Variants in SATB2 observed in about 807,000 individuals in gnomAD.
SATB2 encodes the protein DNA-binding protein SATB2.
A neutral mutation model predicts 73.4 loss-of-function variants in SATB2; 1 was observed. The ratio of observed to expected loss-of-function variants is 0.01; its 90% CI spans 0.00 to 0.06. The LOEUF (loss-of-function observed/expected upper bound fraction) is 0.06. Ranked by LOEUF, SATB2 falls within the 10% of genes least tolerant of loss-of-function variation. The pLI is 1.00. For missense variants in SATB2, 459 were observed against 945.8 expected, an observed-to-expected ratio of 0.49 and a Z score of 6.75; for synonymous variants, 397 against 367.0, an observed-to-expected ratio of 1.08 and a Z score of -0.93.
At chr2:199,426,692 C>CAAAAAAAAAAAAAAAAAAAA (rs200293007) in intron 3 of SATB2, among the ~76,000 whole-genome samples, 6 of 128,252 alleles carry the variant, frequency 4.7e-5, no homozygotes, top group Admixed American at 7.7e-5. Context: ...CATTCTCTCT[C>CAAAAAAAAAAAAAAAAAAAA]AAAAAAAAAA....
intron 2 of SATB2, among the ~76,000 whole-genome samples, chr2:199,453,762 A>C (rs1458566843): frequency 6.6e-6 from 1 of 152,012 alleles, no homozygotes; most frequent in East Asian, 1.9e-4. Context: ...TTATCTTCTA[A>C]GTTGTTATAT....
chr2:199,298,599 C>T (rs1687187248), intron 10 of SATB2, among the ~76,000 whole-genome samples: 1 of 151,768 alleles, frequency 6.6e-6, no homozygotes, highest in South Asian at 2.1e-4. Context: ...GTCCAGATCC[C>T]CAGCAGGTAG....
In SATB2 at chr2:199,455,935, C is replaced by T; in HGVS notation, c.103G>A (p.Glu35Lys). The change falls in exon 2 of 11, where the codon GAG becomes AAG. Residue 35 changes from glutamate to lysine, a missense_variant. Around this residue, in one of 13 missense-constraint regions of SATB2, gnomAD observed 74 missense variants for 113.3 expected, o/e 0.65. Transcript: ENST00000417098. This position sits in a 1 kb window ranked among gnomAD's most constrained non-coding sequence, Gnocchi z 4.1. Reference sequence around the variant, plus strand: ...GCTCCCATGGGGCTGCCGTTCTGCTCCAGCCGGGCCACCTTCACTGGGGGA... The same window carrying T: ...GCTCCCATGGGGCTGCCGTTCTGCTTCAGCCGGGCCACCTTCACTGGGGGA... Reference protein sequence around the residue: ...GPPPVKVARLEQNGSPMGARG... With the variant: ...GPPPVKVARLKQNGSPMGARG... 1 of 1,537,730 alleles carries T rather than the reference C, an allele frequency of 6.5e-7. No individual in the cohort carries two copies. Among genetic ancestry groups the T allele is most frequent in the Non-Finnish European group, 8.7e-7 (1 of 1,147,390 alleles).
Position 199,433,657 on chromosome 2 carries a change from A to G in SATB2, c.170-143T>C, listed in dbSNP as rs867970537. ...GATTAAACAAGCCTCTTAGTCATAT[A>G]GGTCTAATGGAAAGCTGTGGGTTTT... is the stretch of plus-strand genomic sequence containing the variant. On this transcript the variant is annotated intron_variant, in intron 2 of 10. Coordinates refer to ENST00000417098, the MANE Select transcript of SATB2 (RefSeq NM_001172509.2). 13 of 791,362 alleles carry G rather than the reference A, an allele frequency of 1.6e-5. No individual in the cohort carries two copies. The Middle Eastern group carries it at 2.5e-3, about 150-fold the overall frequency. The allele number at this position is 791,362 out of a possible 1,614,324, so 49.0% of individuals were successfully genotyped here.
chr2:199,379,682 C>CTTTTTT (rs71015899), intron 5 of SATB2, among the ~76,000 whole-genome samples: 34 of 108,236 alleles, frequency 3.1e-4, no homozygotes, highest in South Asian at 1.3e-3. Flanking sequence ...CTTTTCTTTT[C>CTTTTTT]TTTTTTTTTT....
intron 10 of SATB2, among the ~76,000 whole-genome samples, chr2:199,292,479 T>C (rs1050990366): frequency 6.6e-6 from 1 of 152,228 alleles, no homozygotes; most frequent in African/African-American, 2.4e-5. Context: ...AATCATATCT[T>C]TATTACCTCC....
upstream of SATB2, chr2:199,457,993 T>G (rs1284605264): frequency 6.5e-6 from 1 of 153,550 alleles, no homozygotes; most frequent in African/African-American, 2.4e-5. The surrounding 1 kb of genome is among the most constrained non-coding windows in gnomAD (Gnocchi z 4.8). Flanking sequence ...ATTAGTTGCG[T>G]TGAGTCATCA....
At chr2:199,428,642 CTGTTA>C (rs1328752948) in intron 3 of SATB2, among the ~76,000 whole-genome samples, 5 of 152,166 alleles carry the variant, frequency 3.3e-5, no homozygotes, top group Admixed American at 2.6e-4. Flanking sequence ...CTTCAAAAGT[CTGTTA>C]TGAGAATTAA....
intron 10 of SATB2, among the ~76,000 whole-genome samples, chr2:199,280,011 C>T (rs1038340399): frequency 2.0e-5 from 3 of 152,262 alleles, no homozygotes; most frequent in Middle Eastern, 3.4e-3. Context: ...CGTGGTGGCA[C>T]GCGCCTGTAA....
chr2:199,413,589 T>A, intron 3 of SATB2, among the ~76,000 whole-genome samples: 1 of 152,024 alleles, frequency 6.6e-6, no homozygotes, highest in East Asian at 1.9e-4. Context: ...TTTTTTTTTT[T>A]TTTTTCTGAG....
At chr2:199,424,603 T>C (rs1691273528) in intron 3 of SATB2, among the ~76,000 whole-genome samples, 2 of 152,204 alleles carry the variant, frequency 1.3e-5, no homozygotes, top group Non-Finnish European at 2.9e-5. Context: ...ATGTAAAATA[T>C]ATACTAACAT....
At chr2:199,466,659 C>G (rs891280810), upstream of SATB2, among the ~76,000 whole-genome samples, 1 of 152,354 alleles carries the variant, frequency 6.6e-6, no homozygotes, top group African/African-American at 2.4e-5. Flanking sequence ...GCTTTTCCAC[C>G]ATTGGTCCCA....
At chr2:199,280,687 G>A (rs143224348) in intron 10 of SATB2, among the ~76,000 whole-genome samples, 5,176 of 152,112 alleles carry the variant, frequency 0.034, 112 homozygotes, top group Middle Eastern at 0.078. Context: ...TTATTAGGAC[G>A]AGGAAATTCC....
In SATB2 at chr2:199,455,139, A is replaced by C. The variant is rs1692236020; in HGVS notation, c.169+730T>G. On this transcript the variant is annotated intron_variant, in intron 2 of 10. Transcript: ENST00000417098. This position sits in a 1 kb window ranked among gnomAD's most constrained non-coding sequence, Gnocchi z 4.1. ...TTGCTTTTCCTGACCACTTTAAAAG[A>C]AAGTAGTTGCTTAAGTAGTAAAAAC... Among the ~76,000 whole-genome samples, 1 of 152,260 alleles carries C rather than the reference A, an allele frequency of 6.6e-6. No individual in the cohort carries two copies. Among genetic ancestry groups the C allele is most frequent in the East Asian group, 1.9e-4 (1 of 5,206 alleles).
At chr2:199,370,741 C>T (rs1215473420) in intron 5 of SATB2, among the ~76,000 whole-genome samples, 2 of 152,100 alleles carry the variant, frequency 1.3e-5, no homozygotes, top group South Asian at 4.1e-4. Flanking sequence ...TGACCCTGCA[C>T]AAGGCAGAGT....
chr2:199,353,584 G>A (rs188169517), intron 6 of SATB2, among the ~76,000 whole-genome samples: 200 of 152,286 alleles, frequency 1.3e-3, no homozygotes, highest in Non-Finnish European at 2.4e-3. Context: ...AAGAGAGGGA[G>A]TATCAGGATG....
At chr2:199,416,518 A>G (rs1312310958) in intron 3 of SATB2, among the ~76,000 whole-genome samples, 2 of 152,196 alleles carry the variant, frequency 1.3e-5, no homozygotes, top group African/African-American at 4.8e-5. Context: ...CAGGTAATTC[A>G]TGTTTAATTT....
intron 10 of SATB2, among the ~76,000 whole-genome samples, chr2:199,304,291 C>T (rs889173083): frequency 1.3e-5 from 2 of 152,156 alleles, no homozygotes; most frequent in Admixed American, 1.3e-4. Flanking sequence ...GGAGAAAAAT[C>T]ACTACAACCA....
upstream of SATB2, chr2:199,459,788 A>T (rs1474080121): frequency 6.6e-6 from 1 of 152,580 alleles, no homozygotes; most frequent in East Asian, 1.9e-4. The surrounding 1 kb of genome is among the most constrained non-coding windows in gnomAD (Gnocchi z 4.2). Flanking sequence ...CCCTGCTGGG[A>T]GCAGAGACTG....
Sources: allele counts gnomAD v4.1 joint callset (sites outside exome capture counted in the v4.1 genomes callset), GRCh38; gene constraint gnomAD v4.1.1; regional missense constraint gnomAD v4.1.1; non-coding constraint Gnocchi (gnomAD v3.1); transcripts MANE v1.5; gene names NCBI Gene and HGNC (gene_info 2026-07-23, HGNC 2026-07-21).